Variants in SDK1 observed in about 807,000 individuals in gnomAD.
SDK1 encodes sidekick cell adhesion molecule 1.
In SDK1, 157 loss-of-function variants were observed where a neutral mutation model predicts 245.5. The observed-to-expected ratio is 0.64, with a 90% CI of 0.56 to 0.73. SDK1 has a LOEUF of 0.73. Ranked by LOEUF, SDK1 falls within the 30% of genes least tolerant of loss-of-function variation. The pLI is 0.00. For missense variants in SDK1, 3,583 were observed against 3,002.3 expected, an observed-to-expected ratio of 1.19 and a Z score of -4.52; for synonymous variants, 1,647 against 1,278.5, an observed-to-expected ratio of 1.29 and a Z score of -6.15.
At chr7:3,466,514 T>G (rs928284862) in intron 1 of SDK1, among the ~76,000 whole-genome samples, 8 of 149,224 alleles carry the variant, frequency 5.4e-5, no homozygotes, top group South Asian at 2.2e-4. Context: ...TTGGAGACAT[T>G]AGCTTGGGCA....
At chr7:3,370,629 A>C (rs1224147121) in intron 1 of SDK1, among the ~76,000 whole-genome samples, 2 of 152,242 alleles carry the variant, frequency 1.3e-5, no homozygotes, top group Non-Finnish European at 2.9e-5. Context: ...GCTATAAAGC[A>C]AATTGCCATA....
At chr7:3,878,562 T>C (rs914293439) in intron 5 of SDK1, among the ~76,000 whole-genome samples, 7 of 152,314 alleles carry the variant, frequency 4.6e-5, no homozygotes, top group African/African-American at 1.7e-4. Flanking sequence ...AAAGGCTTTT[T>C]AACCACAAAC....
intron 1 of SDK1, among the ~76,000 whole-genome samples, chr7:3,366,897 A>G (rs1781107543): frequency 1.3e-5 from 2 of 152,032 alleles, no homozygotes; most frequent in South Asian, 2.1e-4. Context: ...ATGCACCACC[A>G]TGCCCAGCTA....
intron 22 of SDK1, among the ~76,000 whole-genome samples, chr7:4,095,336 C>G (rs553119643): frequency 6.6e-6 from 1 of 152,078 alleles, no homozygotes; most frequent in South Asian, 2.1e-4. Flanking sequence ...TATCTGAGCT[C>G]TTCCTCAGCT....
chr7:3,687,446 A>T (rs546093078), intron 4 of SDK1, among the ~76,000 whole-genome samples: 1 of 152,162 alleles, frequency 6.6e-6, no homozygotes, highest in Non-Finnish European at 1.5e-5. Context: ...TTTTATTCAT[A>T]ATCACCCCAA....
At chr7:3,509,615 G>A (rs1387766931) in intron 1 of SDK1, among the ~76,000 whole-genome samples, 1 of 152,142 alleles carries the variant, frequency 6.6e-6, no homozygotes, top group African/African-American at 2.4e-5. Context: ...TCCAGTAGCA[G>A]AGCTGGTCTG....
chr7:3,989,772 T>C (rs1271724522), intron 14 of SDK1, among the ~76,000 whole-genome samples: 2 of 152,214 alleles, frequency 1.3e-5, no homozygotes, highest in East Asian at 3.9e-4. Flanking sequence ...TAACTCACTT[T>C]ATTTCTCCTA....
intron 1 of SDK1, among the ~76,000 whole-genome samples, chr7:3,414,501 A>G (rs187043799): frequency 2.6e-5 from 4 of 152,160 alleles, no homozygotes; most frequent in Admixed American, 2.6e-4. Context: ...TTTTACATGA[A>G]TATCTATAGA....
intron 4 of SDK1, among the ~76,000 whole-genome samples, chr7:3,744,257 A>C (rs547319961): frequency 1.7e-4 from 26 of 151,738 alleles, no homozygotes; most frequent in African/African-American, 6.0e-4. Flanking sequence ...CTCTCCAATT[A>C]CTGCCGAACC....
intron 19 of SDK1, among the ~76,000 whole-genome samples, chr7:4,057,271 C>T (rs917639800): frequency 2.0e-4 from 31 of 152,294 alleles, no homozygotes; most frequent in Admixed American, 1.6e-3. Context: ...CAGCCTCCCC[C>T]AGTATGAGCA....
At chr7:3,753,795 A>G (rs569826507) in intron 4 of SDK1, among the ~76,000 whole-genome samples, 1 of 152,312 alleles carries the variant, frequency 6.6e-6, no homozygotes, top group South Asian at 2.1e-4. Context: ...CCAATAATAC[A>G]TTTTAAAAGG....
rs1781537798 is a variant in SDK1 at position 3,482,063 on chromosome 7, C to G, written c.299-137017C>G. Among the ~76,000 whole-genome samples the G allele has an allele frequency of 3.3e-5, 5 of 151,704 alleles. No individual in the cohort carries two copies. In the South Asian group the frequency reaches 8.3e-4, roughly 25 times the overall value. ...ACATCTATTAAAGAAAAAAGGCAAG[C>G]CATGCAAAAGTAAAGTTCAGGGACA... On this transcript the variant is annotated intron_variant, in intron 1 of 44. Transcript: ENST00000404826.
chr7:3,319,461 G>A (rs978231929), intron 1 of SDK1, among the ~76,000 whole-genome samples: 2 of 152,172 alleles, frequency 1.3e-5, no homozygotes, highest in Admixed American at 1.3e-4. Flanking sequence ...CATGGCTGGT[G>A]TGGCCTAACC....
At chr7:3,339,605 G>A (rs529605478) in intron 1 of SDK1, among the ~76,000 whole-genome samples, 1 of 152,116 alleles carries the variant, frequency 6.6e-6, no homozygotes, top group African/African-American at 2.4e-5. Flanking sequence ...ACTAAAAATA[G>A]TAAAGGCAAC....
chr7:4,155,543 G>C (rs1323417489), intron 30 of SDK1, among the ~76,000 whole-genome samples: 1 of 152,246 alleles, frequency 6.6e-6, no homozygotes, highest in Non-Finnish European at 1.5e-5. Context: ...CTAAACAGTG[G>C]AGTGCTGAGT....
intron 4 of SDK1, among the ~76,000 whole-genome samples, chr7:3,665,693 C>T (rs112868964): frequency 5.9e-5 from 9 of 152,250 alleles, no homozygotes; most frequent in Non-Finnish European, 1.0e-4. Context: ...ACATGTCGTG[C>T]CATTCATTGA....
In SDK1 at chr7:3,512,390, A is replaced by C. The variant is rs567510980; in HGVS notation, c.299-106690A>C. ...ATGAAGAATATCTTGGTTGCTTCCAAGTTTTCGCAATTATGAATAAAACTG... is the reference window on the plus strand; with the variant it reads ...ATGAAGAATATCTTGGTTGCTTCCACGTTTTCGCAATTATGAATAAAACTG... On this transcript the variant is annotated intron_variant, in intron 1 of 44. Transcript: ENST00000404826. Among the ~76,000 whole-genome samples, 173 of 152,278 alleles carry C rather than the reference A, an allele frequency of 1.1e-3. 1 individual carries two copies. Among genetic ancestry groups the C allele is most frequent in the African/African-American group, 4.0e-3 (165 of 41,560 alleles).
chr7:4,107,490 CT>C (rs891675625), intron 22 of SDK1, among the ~76,000 whole-genome samples: 1 of 148,864 alleles, frequency 6.7e-6, no homozygotes. Flanking sequence ...CTTTCTTCTT[CT>C]TTTTTTTTTA....
intron 1 of SDK1, among the ~76,000 whole-genome samples, chr7:3,598,015 T>A (rs1419962867): frequency 6.6e-6 from 1 of 152,196 alleles, no homozygotes; most frequent in Non-Finnish European, 1.5e-5. Flanking sequence ...TTGTAAAGCC[T>A]TTTTCTAAAG....
Sources: allele counts gnomAD v4.1 joint callset (sites outside exome capture counted in the v4.1 genomes callset), GRCh38; gene constraint gnomAD v4.1.1; transcripts MANE v1.5; gene names NCBI Gene and HGNC (gene_info 2026-07-23, HGNC 2026-07-21).